The following SUPT3H variants were observed in gnomAD, a reference collection of about 807,000 sequenced individuals.
The protein encoded by SUPT3H is transcription initiation protein SPT3 homolog.
Under a neutral mutation model 44.3 loss-of-function variants are expected in SUPT3H, and 44 were observed. The observed-to-expected ratio is 0.99, with a 90% CI of 0.78 to 1.28. The LOEUF is 1.28. Among genes scored for constraint, SUPT3H ranks in the 50% most tolerant of loss-of-function variants. The pLI, the probability that SUPT3H is intolerant of heterozygous loss-of-function variation, is 0.00. For synonymous variants in SUPT3H, 124 were observed against 125.6 expected, an observed-to-expected ratio of 0.99 and a Z score of 0.09; for missense variants, 380 against 387.1, an observed-to-expected ratio of 0.98 and a Z score of 0.15.
At chr6:45,158,296 ATATTTTTTTT>A (rs1370875033) in intron 2 of SUPT3H, among the ~76,000 whole-genome samples, 20 of 72,012 alleles carry the variant, frequency 2.8e-4, no homozygotes, top group African/African-American at 2.1e-3. Context: ...ATATATATAT[ATATTTTTTTT>A]TTTTTTTTTT....
chr6:44,955,235 A>T (rs1774926366), intron 7 of SUPT3H: 1 of 152,770 alleles, frequency 6.5e-6, no homozygotes, highest in Admixed American at 6.5e-5. Context: ...CCCTTGAAGG[A>T]GGTGGATCAC....
At chr6:45,171,243 C>T (rs1161439957) in intron 2 of SUPT3H, among the ~76,000 whole-genome samples, 1 of 151,996 alleles carries the variant, frequency 6.6e-6, no homozygotes, top group African/African-American at 2.4e-5. Flanking sequence ...TCTCAGGGCA[C>T]TAATTTATCA....
chr6:44,971,552 G>A (rs1211402618), intron 6 of SUPT3H, among the ~76,000 whole-genome samples: 1 of 152,136 alleles, frequency 6.6e-6, no homozygotes, highest in Non-Finnish European at 1.5e-5. Flanking sequence ...CACTCACTAT[G>A]ATGAGAACAG....
intron 10 of SUPT3H, among the ~76,000 whole-genome samples, chr6:44,931,384 C>T (rs1437403956): frequency 6.6e-6 from 1 of 151,090 alleles, no homozygotes; most frequent in Non-Finnish European, 1.5e-5. Context: ...AGTTTTTTTT[C>T]ACTCTCAGTT....
intron 10 of SUPT3H, among the ~76,000 whole-genome samples, chr6:44,878,493 C>T (rs750610747): frequency 5.3e-5 from 8 of 150,976 alleles, no homozygotes; most frequent in Non-Finnish European, 1.0e-4. Flanking sequence ...AATAGAAGAT[C>T]GTGTTGAAGT....
chr6:45,079,404 GGGA>G (rs1026040979), intron 3 of SUPT3H, among the ~76,000 whole-genome samples: 33 of 149,898 alleles, frequency 2.2e-4, no homozygotes, highest in African/African-American at 7.4e-4. Flanking sequence ...GGAAGAAGTG[GGGA>G]GGAGAAGGAA....
chr6:45,355,909 T>TC lies in SUPT3H; in HGVS notation c.101+9291dup, dbSNP rs568646084. Among the ~76,000 whole-genome samples, 111 of 151,892 alleles carry TC rather than the reference T, an allele frequency of 7.3e-4. 1 individual carries two copies. Among genetic ancestry groups the TC allele is most frequent in the African/African-American group, 1.9e-3 (77 of 41,420 alleles). ...CCAGGCCAACCCCAAAAATTTAATT[T>TC]CCCCCCCTTTCCCTATTAAACACAC... is the stretch of plus-strand genomic sequence containing the variant. On this transcript the variant is annotated intron_variant, in intron 2 of 10. Transcript: ENST00000371459.
chr6:45,332,737 T>C (rs1468833459), intron 2 of SUPT3H, among the ~76,000 whole-genome samples: 1 of 151,692 alleles, frequency 6.6e-6, no homozygotes, highest in Non-Finnish European at 1.5e-5. Context: ...AATAGACAAA[T>C]GCCATCAACT....
At chr6:44,847,471 T>G (rs1032594345) in intron 10 of SUPT3H, among the ~76,000 whole-genome samples, 1 of 152,060 alleles carries the variant, frequency 6.6e-6, no homozygotes, top group South Asian at 2.1e-4. Context: ...AAATGGAAAC[T>G]TAAACAGTTA....
chr6:45,248,988 T>C lies in SUPT3H; in HGVS notation c.101+116213A>G, dbSNP rs527476675. Among the ~76,000 whole-genome samples, 7 of 152,194 alleles carry C rather than the reference T, an allele frequency of 4.6e-5. No individual in the cohort carries two copies. The South Asian group carries it at 1.2e-3, about 27-fold the overall frequency. On this transcript the variant is annotated intron_variant, in intron 2 of 10. Coordinates refer to ENST00000371459, the MANE Select transcript of SUPT3H (RefSeq NM_003599.4). ...ACAAAGGACACTCTGGAAAAAAATT[T>C]GGCAGTTTCTAACAAAATTAAGTAT...
chr6:45,228,625 A>G (rs745811891), intron 2 of SUPT3H, among the ~76,000 whole-genome samples: 6 of 152,104 alleles, frequency 3.9e-5, no homozygotes, highest in Non-Finnish European at 8.8e-5. Context: ...TTCTCTGAAG[A>G]ATACACCTTC....
At chr6:45,265,954 A>G (rs552807894) in intron 2 of SUPT3H, among the ~76,000 whole-genome samples, 3 of 152,206 alleles carry the variant, frequency 2.0e-5, no homozygotes, top group Admixed American at 6.5e-5. Context: ...TTGCCCAAAT[A>G]TAAGTCACCT....
intron 6 of SUPT3H, 144 bp from the exon 7 acceptor site, chr6:44,961,972 T>C (rs1776096471): frequency 1.9e-6 from 1 of 529,366 alleles, no homozygotes. Flanking sequence ...TCACGATACA[T>C]AAAATCACAA....
chr6:45,354,146 A>G (rs1306782794), intron 2 of SUPT3H, among the ~76,000 whole-genome samples: 5 of 152,174 alleles, frequency 3.3e-5, no homozygotes, highest in Non-Finnish European at 7.4e-5. Flanking sequence ...AAAAGTCTTT[A>G]GACTCAAAAA....
chr6:44,879,834 G>T (rs1026897908), intron 10 of SUPT3H, among the ~76,000 whole-genome samples: 2 of 152,176 alleles, frequency 1.3e-5, no homozygotes, highest in Non-Finnish European at 2.9e-5. Flanking sequence ...GCAGCAGAGG[G>T]GCCTGACTGT....
At chr6:45,075,727 A>AC (rs1314243352) in intron 3 of SUPT3H, among the ~76,000 whole-genome samples, 2 of 152,110 alleles carry the variant, frequency 1.3e-5, no homozygotes, top group Admixed American at 1.3e-4. Context: ...TACACGATAT[A>AC]CCTGCAGAAT....
intron 2 of SUPT3H, among the ~76,000 whole-genome samples, chr6:45,311,728 A>C (rs1290353683): frequency 6.6e-6 from 1 of 152,196 alleles, no homozygotes; most frequent in Non-Finnish European, 1.5e-5. Context: ...ATCATATATG[A>C]AGGAAAGATA....
intron 2 of SUPT3H, among the ~76,000 whole-genome samples, chr6:45,175,801 A>T (rs1811682785): frequency 6.6e-6 from 1 of 152,214 alleles, no homozygotes; most frequent in Non-Finnish European, 1.5e-5. Flanking sequence ...TATACTAAAA[A>T]TAAGCTTATA....
At chr6:44,916,004 T>C (rs1370245412) in intron 10 of SUPT3H, among the ~76,000 whole-genome samples, 1 of 152,234 alleles carries the variant, frequency 6.6e-6, no homozygotes. Context: ...TTGACTCTTT[T>C]CATCAACATT....
Sources: allele counts gnomAD v4.1 joint callset (sites outside exome capture counted in the v4.1 genomes callset), GRCh38; gene constraint gnomAD v4.1.1; transcripts MANE v1.5; gene names NCBI Gene and HGNC (gene_info 2026-07-23, HGNC 2026-07-21).